The following NBEA variants were observed in gnomAD, a reference collection of about 807,000 sequenced individuals.
The protein encoded by NBEA is neurobeachin, also known as lysosomal-trafficking regulator 2.
NBEA carries 44 observed loss-of-function variants against 343.4 expected under a neutral mutation model. The observed-to-expected ratio is 0.13, with a 90% CI of 0.10 to 0.16. The LOEUF (loss-of-function observed/expected upper bound fraction) is 0.16. NBEA is among the 10% of genes least tolerant of loss of function. NBEA has a pLI of 1.00. For missense variants in NBEA, 2,555 were observed against 3,631.3 expected (o/e 0.70, Z 7.62); for synonymous variants, 1,175 against 1,238.7 (o/e 0.95, Z 1.08).
At chr13:35,433,600 A>T (rs1172290874) in intron 39 of NBEA, among the ~76,000 whole-genome samples, 2 of 152,038 alleles carry the variant, frequency 1.3e-5, no homozygotes, top group African/African-American at 4.8e-5. Context: ...TCAAAATATC[A>T]TTAAAAATAG....
At chr13:35,652,640 C>CAAAA (rs546162156) in intron 53 of NBEA, among the ~76,000 whole-genome samples, 3 of 81,260 alleles carry the variant, frequency 3.7e-5, no homozygotes, top group African/African-American at 4.8e-5. Flanking sequence ...GACTCCATCT[C>CAAAA]AAAAAAAAAA....
At chr13:35,193,081 T>A (rs2072316282) in intron 30 of NBEA, among the ~76,000 whole-genome samples, 1 of 151,928 alleles carries the variant, frequency 6.6e-6, no homozygotes, top group Non-Finnish European at 1.5e-5. Flanking sequence ...GTTGTTAAAG[T>A]TTTTGTTTCT....
intron 38 of NBEA, among the ~76,000 whole-genome samples, chr13:35,393,045 T>C (rs1456615192): frequency 2.0e-5 from 3 of 152,164 alleles, no homozygotes; most frequent in Admixed American, 2.0e-4. Context: ...TCTACATTCT[T>C]TCTGAGAAGC....
chr13:35,366,418 A>G (rs2041116741), intron 38 of NBEA, among the ~76,000 whole-genome samples: 1 of 151,386 alleles, frequency 6.6e-6, no homozygotes, highest in Admixed American at 6.6e-5. Flanking sequence ...TATATTAAAA[A>G]AAGAAAATAG....
intron 18 of NBEA, among the ~76,000 whole-genome samples, chr13:35,144,631 G>T (rs2068302456): frequency 6.6e-6 from 1 of 152,110 alleles, no homozygotes; most frequent in South Asian, 2.1e-4. Context: ...TTCCCCTTCA[G>T]AGATGTCCAT....
chr13:34,985,851 A>T (rs2060525281), intron 1 of NBEA, among the ~76,000 whole-genome samples: 1 of 150,744 alleles, frequency 6.6e-6, no homozygotes, highest in South Asian at 2.1e-4. Flanking sequence ...ATCTGATGGT[A>T]GTTTGTATTT....
chr13:35,298,209 G>A (rs865964076), intron 35 of NBEA, among the ~76,000 whole-genome samples: 3 of 60,836 alleles, frequency 4.9e-5, no homozygotes, highest in African/African-American at 1.2e-4. Context: ...GTGTGTGTGT[G>A]TGTATATATA....
rs2070449094 is a variant in NBEA, at chr13:35,171,334, C to G, written c.4305C>G (p.Leu1435=). The change falls in exon 26 of 59, where the codon CTC becomes CTG. Residue 1435 remains leucine, a synonymous_variant. Coordinates refer to ENST00000379939, the MANE Select transcript of NBEA (RefSeq NM_001385012.1). The part of the protein sequence containing the change: ...GMSAETAVTF[L]SRLMAMVDVL... ...CAGCTGAGACAGCAGTAACTTTCCT[C>G]AGCCGGCTGATGGCTATGGTTGATG... 6.2e-7 allele frequency: 1 copy of G among 1,612,364 alleles called. No individual in the cohort carries two copies. Among genetic ancestry groups the G allele is most frequent in the Non-Finnish European group, 8.5e-7 (1 of 1,178,880 alleles).
intron 34 of NBEA, among the ~76,000 whole-genome samples, chr13:35,236,406 T>TTTTTGTTTTGTTTTGTTTTG (rs147528572): frequency 6.8e-6 from 1 of 147,058 alleles, no homozygotes; most frequent in African/African-American, 2.5e-5. Flanking sequence ...CATTTAATCC[T>TTTTTGTTTTGTTTTGTTTTG]TTTTGTTTTG....
At chr13:35,643,901 G>A (rs964438288) in intron 49 of NBEA, among the ~76,000 whole-genome samples, 4 of 152,232 alleles carry the variant, frequency 2.6e-5, no homozygotes, top group Non-Finnish European at 5.9e-5. Context: ...GAAAGTCATT[G>A]ATGACCCCCT....
At chr13:35,146,815 G>A (rs2068456821) in intron 18 of NBEA, among the ~76,000 whole-genome samples, 1 of 152,020 alleles carries the variant, frequency 6.6e-6, no homozygotes, top group Non-Finnish European at 1.5e-5. Flanking sequence ...AGCATATTCA[G>A]CCCTATCTCT....
intron 1 of NBEA, among the ~76,000 whole-genome samples, chr13:34,995,649 T>C (rs1288514527): frequency 6.6e-6 from 1 of 152,164 alleles, no homozygotes; most frequent in African/African-American, 2.4e-5. Context: ...CAGCTAGGTG[T>C]TGTGTCTCAC....
At chr13:35,312,690 G>A (rs1231100576) in intron 36 of NBEA, among the ~76,000 whole-genome samples, 1 of 152,186 alleles carries the variant, frequency 6.6e-6, no homozygotes, top group African/African-American at 2.4e-5. Flanking sequence ...GATGGAAGAA[G>A]TGAACAAATT....
chr13:35,288,469 A>C (rs1324238435), intron 34 of NBEA, among the ~76,000 whole-genome samples: 1 of 151,996 alleles, frequency 6.6e-6, no homozygotes, highest in Non-Finnish European at 1.5e-5. Flanking sequence ...AGCCTTTTAC[A>C]AAATACTGAG....
At chr13:35,226,473 C>T (rs934331538) in intron 33 of NBEA, among the ~76,000 whole-genome samples, 10 of 152,068 alleles carry the variant, frequency 6.6e-5, no homozygotes, top group Admixed American at 2.6e-4. Context: ...TTTAAATATA[C>T]GAAATATTGT....
At chr13:35,344,755 C>A (rs2039778103) in intron 36 of NBEA, among the ~76,000 whole-genome samples, 1 of 152,028 alleles carries the variant, frequency 6.6e-6, no homozygotes, top group African/African-American at 2.4e-5. Context: ...GGAAGTTAAT[C>A]AGTAAAATTT....
chr13:35,330,579 A>G (rs1208073555), intron 36 of NBEA, among the ~76,000 whole-genome samples: 1 of 151,962 alleles, frequency 6.6e-6, no homozygotes, highest in Non-Finnish European at 1.5e-5. Context: ...TTTCATTGTC[A>G]AGCTCCAGAA....
chr13:35,459,175 A>G (rs1283699626), intron 40 of NBEA, among the ~76,000 whole-genome samples: 1 of 152,056 alleles, frequency 6.6e-6, no homozygotes, highest in African/African-American at 2.4e-5. Flanking sequence ...GTTGCCCATG[A>G]CACTTCCCAG....
intron 41 of NBEA, among the ~76,000 whole-genome samples, chr13:35,512,670 T>C (rs1247947426): frequency 6.6e-6 from 1 of 152,242 alleles, no homozygotes; most frequent in Non-Finnish European, 1.5e-5. Context: ...CTTCAGTTCC[T>C]ACTGCCACAC....
Sources: gnomAD v4.1 joint callset for allele counts (sites outside exome capture counted in the v4.1 genomes callset) on GRCh38, gnomAD v4.1.1 for gene constraint, MANE v1.5 for transcripts, NCBI Gene and HGNC (gene_info 2026-07-23, HGNC 2026-07-21) for gene names.